Variants in ALDH1A2 observed in about 807,000 individuals in gnomAD.
ALDH1A2 encodes the protein aldehyde dehydrogenase 1 family member A2.
ALDH1A2 carries 27 observed loss-of-function variants against 60.3 expected under a neutral mutation model. The observed-to-expected ratio is 0.45, with a 90% CI of 0.33 to 0.62. The LOEUF (loss-of-function observed/expected upper bound fraction) is 0.62, where lower values mean the gene tolerates loss of function less well. Among genes scored for constraint, ALDH1A2 ranks in the 20% least tolerant of loss-of-function variants. ALDH1A2 has a pLI of 0.02. For synonymous variants in ALDH1A2, 289 were observed against 232.4 expected (o/e 1.24, Z -2.21); for missense variants, 581 against 643.8 (o/e 0.90, Z 1.06).
At chr15:58,038,789 C>T (rs1422712060) in intron 1 of ALDH1A2, among the ~76,000 whole-genome samples, 4 of 151,752 alleles carry the variant, frequency 2.6e-5, no homozygotes, top group African/African-American at 9.7e-5. Context: ...CTTCCTGTTC[C>T]ACTTTCTATA....
intron 1 of ALDH1A2, among the ~76,000 whole-genome samples, chr15:58,030,644 T>C (rs1245822447): frequency 6.6e-5 from 10 of 152,242 alleles, no homozygotes; most frequent in African/African-American, 1.4e-4. Flanking sequence ...GAAAACCCCA[T>C]TGTGTCAGCC....
At chr15:58,000,718 T>C (rs973876661) in intron 4 of ALDH1A2, among the ~76,000 whole-genome samples, 1 of 151,900 alleles carries the variant, frequency 6.6e-6, no homozygotes, top group Non-Finnish European at 1.5e-5. Flanking sequence ...CAAACTTGAA[T>C]GTACACACTA....
Position 58,032,473 on chromosome 15 carries a change from T to C in ALDH1A2, c.118-18192A>G, listed in dbSNP as rs530860838. Among the ~76,000 whole-genome samples, 26 of 152,274 alleles carry C rather than the reference T, an allele frequency of 1.7e-4. No homozygotes were observed. In the East Asian group the frequency reaches 4.8e-3, roughly 28 times the overall value. On this transcript the variant is annotated intron_variant, in intron 1 of 12. Coordinates refer to ENST00000249750, the MANE Select transcript of ALDH1A2 (RefSeq NM_003888.4). ...ATACATATGTAACAAACCTGCACGT[T>C]GTGCACATGTACCCTAAAACTTAAA...
chr15:58,008,030 C>T (rs1404123349), intron 4 of ALDH1A2, among the ~76,000 whole-genome samples: 1 of 152,008 alleles, frequency 6.6e-6, no homozygotes, highest in Non-Finnish European at 1.5e-5. Context: ...TTCTAAGTGG[C>T]CTCTAGGCAA....
intron 1 of ALDH1A2, among the ~76,000 whole-genome samples, chr15:58,053,809 G>C (rs1236703570): frequency 6.6e-6 from 1 of 152,012 alleles, no homozygotes; most frequent in Non-Finnish European, 1.5e-5. Flanking sequence ...CTACCACCCA[G>C]GCTTTAATCT....
chr15:57,978,593 T>G lies in ALDH1A2; in HGVS notation c.799-12766A>C, dbSNP rs1358379165. Among the ~76,000 whole-genome samples the G allele has an allele frequency of 6.6e-5, 10 of 152,202 alleles. No homozygotes were observed. In the East Asian group the frequency reaches 1.7e-3, roughly 26 times the overall value. Reference sequence around the variant, plus strand: ...CTTACAGACAGAGGTTTTATTGTGTTTGGTCCACAGTCATATTTCACATTA... The same window carrying G: ...CTTACAGACAGAGGTTTTATTGTGTGTGGTCCACAGTCATATTTCACATTA... On this transcript the variant is annotated intron_variant, in intron 7 of 12. Coordinates refer to ENST00000249750, the MANE Select transcript of ALDH1A2 (RefSeq NM_003888.4).
rs192725446 is a variant in ALDH1A2, at chr15:57,992,830, G to T, written c.685-12C>A. The stretch of plus-strand genomic sequence containing the variant: ...GGAGGAAAGCCAGCCTAAGAAAACA[G>T]AACAGGAGGAAACGTGGCTGATGAA... On this transcript the variant is annotated splice_polypyrimidine_tract_variant and intron_variant, in intron 6 of 12. Transcript: ENST00000249750. 2 of 1,613,766 alleles carry T rather than the reference G, an allele frequency of 1.2e-6. No individual in the cohort carries two copies. The highest frequency in any genetic ancestry group is 1.7e-6 in the Non-Finnish European group (2 of 1,179,928).
At chr15:58,016,793 G>C (rs1313852390) in intron 1 of ALDH1A2, among the ~76,000 whole-genome samples, 1 of 152,072 alleles carries the variant, frequency 6.6e-6, no homozygotes, top group Non-Finnish European at 1.5e-5. Flanking sequence ...GCCTAGAAAT[G>C]AATGTCACCA....
chr15:58,044,266 C>A (rs1896587592), intron 1 of ALDH1A2, among the ~76,000 whole-genome samples: 1 of 151,948 alleles, frequency 6.6e-6, no homozygotes, highest in Non-Finnish European at 1.5e-5. Context: ...GTTTTAAACC[C>A]TGTGCACATT....
At chr15:58,014,305 G>C in intron 1 of ALDH1A2, 24 bp from the exon 2 acceptor site, 1 of 1,571,944 alleles carries the variant, frequency 6.4e-7, no homozygotes, top group South Asian at 1.1e-5. Flanking sequence ...TAACAGAATG[G>C]GATCTGTGAC....
chr15:57,993,113 T>A, intron 5 of ALDH1A2, 40 bp from the exon 6 acceptor site: 1 of 1,606,974 alleles, frequency 6.2e-7, no homozygotes, highest in South Asian at 1.1e-5. Context: ...TGGAAAAACA[T>A]TCTTCCACTA....
intron 1 of ALDH1A2, among the ~76,000 whole-genome samples, chr15:58,063,661 A>C (rs1188071528): frequency 6.6e-6 from 1 of 152,204 alleles, no homozygotes; most frequent in Admixed American, 6.5e-5. Flanking sequence ...ACCTGATTTT[A>C]CAAGTTTTTG....
chr15:57,985,054 T>C (rs1424861882), intron 7 of ALDH1A2, among the ~76,000 whole-genome samples: 1 of 152,240 alleles, frequency 6.6e-6, no homozygotes, highest in African/African-American at 2.4e-5. Flanking sequence ...CCATCTATAC[T>C]CATAAGATGT....
intron 7 of ALDH1A2, among the ~76,000 whole-genome samples, chr15:57,982,017 C>A (rs748116202): frequency 4.6e-5 from 7 of 152,144 alleles, no homozygotes; most frequent in East Asian, 1.9e-4. Context: ...CAAGACAGCA[C>A]GAGATTCAAT....
intron 5 of ALDH1A2, 84 bp from the exon 6 acceptor site, chr15:57,993,157 C>T: frequency 2.0e-6 from 3 of 1,505,168 alleles, no homozygotes; most frequent in Non-Finnish European, 2.7e-6. Flanking sequence ...TCATATTTCT[C>T]AAACTAGTCC....
intron 7 of ALDH1A2, among the ~76,000 whole-genome samples, chr15:57,991,245 A>G (rs1894886871): frequency 6.6e-6 from 1 of 152,240 alleles, no homozygotes; most frequent in Non-Finnish European, 1.5e-5. Context: ...AGCCTTTAGC[A>G]AATATTTTCA....
chr15:58,021,420 C>A (rs1454933331), intron 1 of ALDH1A2, among the ~76,000 whole-genome samples: 4 of 152,128 alleles, frequency 2.6e-5, no homozygotes, highest in African/African-American at 9.7e-5. Flanking sequence ...CAGCTGGGAG[C>A]CAGGAGTGAT....
chr15:58,035,505 T>C (rs1896356775), intron 1 of ALDH1A2, among the ~76,000 whole-genome samples: 1 of 151,674 alleles, frequency 6.6e-6, no homozygotes, highest in Non-Finnish European at 1.5e-5. Flanking sequence ...TTTTTCTAGT[T>C]TCCTAAAAAA....
chr15:57,981,315 C>CACACAG (rs1354147299), intron 7 of ALDH1A2, among the ~76,000 whole-genome samples: 1 of 150,354 alleles, frequency 6.7e-6, no homozygotes, highest in Non-Finnish European at 1.5e-5. Flanking sequence ...CACACACACA[C>CACACAG]ACACACACAC....
Sources: allele counts gnomAD v4.1 joint callset (sites outside exome capture counted in the v4.1 genomes callset), GRCh38; gene constraint gnomAD v4.1.1; transcripts MANE v1.5; gene names NCBI Gene and HGNC (gene_info 2026-07-23, HGNC 2026-07-21).